GRXCR2: variants seen among roughly 807,000 people sequenced by gnomAD.
GRXCR2 encodes glutaredoxin domain-containing cysteine-rich protein 2.
GRXCR2 carries 23 observed loss-of-function variants against 24.8 expected under a neutral mutation model. The observed-to-expected ratio is 0.93, with a 90% confidence interval of 0.67 to 1.32. The LOEUF is 1.32. Ranked by LOEUF, GRXCR2 falls within the 40% of genes most tolerant of loss-of-function variation. GRXCR2 has a pLI of 0.00. For missense variants in GRXCR2, 315 were observed against 303.4 expected (o/e 1.04, Z -0.28); for synonymous variants, 130 against 116.1 (o/e 1.12, Z -0.77).
At position 145,872,732 on chromosome 5, in the gene GRXCR2, C is replaced by A. The variant is rs957342439; in HGVS notation, c.237G>T (p.Lys79Asn). Residue 79 changes from lysine (K) to asparagine (N), a missense_variant, in exon 1 of 3, where the codon AAG becomes AAT. Lys to Asn is a moderately conservative substitution (Grantham distance 94). Coordinates refer to ENST00000377976, the MANE Select transcript of GRXCR2 (RefSeq NM_001080516.2). ...EVPRPQMCSP[K>N]LTAQRISVFR... Reference sequence around the variant, plus strand: ...ACACACTGATCCTCTGAGCAGTCAGCTTAGGGGAGCACATCTGGGGCCTGG... The same window carrying A: ...ACACACTGATCCTCTGAGCAGTCAGATTAGGGGAGCACATCTGGGGCCTGG... 1 of 1,613,998 alleles carries A rather than the reference C, an allele frequency of 6.2e-7. No individual in the cohort carries two copies. Among genetic ancestry groups the A allele is most frequent in the Admixed American group, 1.7e-5 (1 of 60,020 alleles).
intron 2 of GRXCR2, among the ~76,000 whole-genome samples, chr5:145,895,889 A>G (rs1027826295): frequency 2.6e-5 from 4 of 152,358 alleles, no homozygotes; most frequent in Admixed American, 2.6e-4. Flanking sequence ...CTATACTACA[A>G]GGCTACAGTA....
intron 2 of GRXCR2, among the ~76,000 whole-genome samples, chr5:145,862,270 C>T (rs1295204360): frequency 6.6e-6 from 1 of 152,136 alleles, no homozygotes; most frequent in East Asian, 1.9e-4. Flanking sequence ...ATGAAATGAC[C>T]TAGTAAGCCT....
chr5:145,900,171 C>T (rs558158988), intron 2 of GRXCR2, among the ~76,000 whole-genome samples: 6 of 152,126 alleles, frequency 3.9e-5, no homozygotes, highest in African/African-American at 1.4e-4. Context: ...AGGAGGGGGT[C>T]TGGTGGGAGG....
At chr5:145,882,897 T>C (rs1161259726) in intron 2 of GRXCR2, among the ~76,000 whole-genome samples, 1 of 151,782 alleles carries the variant, frequency 6.6e-6, no homozygotes, top group Non-Finnish European at 1.5e-5. Context: ...CTGGAAACCA[T>C]CATTCTCAGC....
In GRXCR2 at chr5:145,926,421, G is replaced by A. The variant is rs193080199; in HGVS notation, c.-70+9280C>T. Reference sequence around the variant, plus strand: ...ATTTTTGTATAAGGCGTAAGGAAGGGATCCAGTTTCAGCTTTCTACATATG... The same window carrying A: ...ATTTTTGTATAAGGCGTAAGGAAGGAATCCAGTTTCAGCTTTCTACATATG... On this transcript the variant is annotated intron_variant, in intron 2 of 3. Transcript: ENST00000639411. 6.6e-5 allele frequency among the ~76,000 whole-genome samples: 10 copies of A among 152,236 alleles called. No individual in the cohort carries two copies. The East Asian group carries it at 1.9e-3, about 29-fold the overall frequency.
intron 2 of GRXCR2, among the ~76,000 whole-genome samples, chr5:145,904,489 G>T (rs1265692574): frequency 1.3e-5 from 2 of 152,178 alleles, no homozygotes; most frequent in African/African-American, 4.8e-5. Context: ...ACCCACTGAG[G>T]AGGTAGGTTG....
intron 2 of GRXCR2, among the ~76,000 whole-genome samples, chr5:145,894,441 T>A (rs189064115): frequency 0.01 from 1,535 of 152,186 alleles, 33 homozygotes; most frequent in African/African-American, 0.035. Flanking sequence ...TGAAAAATGA[T>A]AAAGGGGATA....
intron 2 of GRXCR2, among the ~76,000 whole-genome samples, chr5:145,914,488 C>T (rs888023415): frequency 6.6e-6 from 1 of 151,750 alleles, no homozygotes; most frequent in Non-Finnish European, 1.5e-5. Flanking sequence ...CCAGCCTGAC[C>T]AACATGGTGA....
At position 145,921,609 on chromosome 5, in the gene GRXCR2, T is replaced by G. The variant is rs556780894; in HGVS notation, c.-70+14092A>C. 9.6e-4 allele frequency among the ~76,000 whole-genome samples: 146 copies of G among 152,360 alleles called. 1 individual carries two copies. The highest frequency in any genetic ancestry group is 4.9e-4 in the Non-Finnish European group (33 of 68,036). On this transcript the variant is annotated intron_variant, in intron 2 of 3. Coordinates refer to the GRXCR2 transcript ENST00000639411. The stretch of plus-strand genomic sequence containing the variant: ...GTGGGTAATGATGCCAGGAATGGGA[T>G]GCATTGCCAGTTGGAGACCTAGCAA...
rs185328463 is a variant in GRXCR2 at position 145,905,890 on chromosome 5, G to A, written c.-70+29811C>T. ...AAATAGTGGTCCAAGAATAGCACAT[G>A]GTCCAGCGTTTCCATAGCAAAGAGA... is the stretch of plus-strand genomic sequence containing the variant. On this transcript the variant is annotated intron_variant, in intron 2 of 3. Coordinates refer to the GRXCR2 transcript ENST00000639411. Among the ~76,000 whole-genome samples, 301 of 152,270 alleles carry A rather than the reference G, an allele frequency of 2.0e-3. 1 individual carries two copies. Among genetic ancestry groups the A allele is most frequent in the African/African-American group, 6.8e-3 (282 of 41,548 alleles).
intron 2 of GRXCR2, among the ~76,000 whole-genome samples, chr5:145,921,667 G>A (rs1322908288): frequency 1.3e-5 from 2 of 152,146 alleles, no homozygotes; most frequent in Admixed American, 6.5e-5. Flanking sequence ...TGTTATGAAT[G>A]GCTTTAACCA....
intron 2 of GRXCR2, among the ~76,000 whole-genome samples, chr5:145,904,155 G>C (rs1757060559): frequency 6.6e-6 from 1 of 152,108 alleles, no homozygotes; most frequent in African/African-American, 2.4e-5. Context: ...ACAGAGCTCT[G>C]GGAGGATGAC....
At chr5:145,894,130 A>G (rs1338778785) in intron 2 of GRXCR2, among the ~76,000 whole-genome samples, 2 of 152,236 alleles carry the variant, frequency 1.3e-5, no homozygotes, top group Non-Finnish European at 2.9e-5. Flanking sequence ...ACACATTCAA[A>G]GCAGTGTGTG....
chr5:145,868,797 A>G (rs918495223), intron 1 of GRXCR2, among the ~76,000 whole-genome samples: 14 of 152,198 alleles, frequency 9.2e-5, no homozygotes, highest in Non-Finnish European at 1.5e-5. Context: ...TACCCCAAAG[A>G]TGGAGGGTCT....
chr5:145,927,214 C>T (rs900553710), intron 2 of GRXCR2, among the ~76,000 whole-genome samples: 8 of 152,252 alleles, frequency 5.3e-5, no homozygotes, highest in Non-Finnish European at 8.8e-5. Context: ...ATTGAATACC[C>T]TTTATTTCCT....
intron 2 of GRXCR2, among the ~76,000 whole-genome samples, chr5:145,894,661 A>T (rs1029422737): frequency 1.7e-4 from 26 of 152,358 alleles, no homozygotes; most frequent in Non-Finnish European, 2.9e-4. Context: ...AACCAAAAAA[A>T]GTCCAGGACC....
At chr5:145,874,113 G>A (rs1756575647), upstream of GRXCR2, among the ~76,000 whole-genome samples, 1 of 152,098 alleles carries the variant, frequency 6.6e-6, no homozygotes, top group Admixed American at 6.6e-5. Context: ...CCCTGTCTTT[G>A]CTACCAGCAT....
intron 1 of GRXCR2, among the ~76,000 whole-genome samples, chr5:145,868,368 G>C (rs1373520792): frequency 6.6e-6 from 1 of 152,170 alleles, no homozygotes; most frequent in Non-Finnish European, 1.5e-5. Context: ...AACCTGGCTT[G>C]AGCAAGACTT....
At chr5:145,876,274 T>C (rs1183436161), upstream of GRXCR2, among the ~76,000 whole-genome samples, 29 of 145,424 alleles carry the variant, frequency 2.0e-4, no homozygotes, top group African/African-American at 7.5e-4. Flanking sequence ...TAACAATTAT[T>C]ATTTTCCTTT....
Sources: gnomAD v4.1 joint callset for allele counts (sites outside exome capture counted in the v4.1 genomes callset) on GRCh38, gnomAD v4.1.1 for gene constraint, MANE v1.5 for transcripts, NCBI Gene and HGNC (gene_info 2026-07-23, HGNC 2026-07-21) for gene names.